Variants in PSMD12 observed in about 807,000 individuals in gnomAD.
The protein encoded by PSMD12 is proteasome 26S subunit, non-ATPase 12.
A neutral mutation model predicts 62.9 loss-of-function variants in PSMD12; 8 were observed. The ratio of observed to expected loss-of-function variants is 0.13; its 90% CI spans 0.07 to 0.23. The LOEUF (loss-of-function observed/expected upper bound fraction) is 0.23, where lower values mean the gene tolerates loss of function less well. Among genes scored for constraint, PSMD12 ranks in the 10% least tolerant of loss-of-function variants. The pLI is 1.00. For synonymous variants in PSMD12, 173 were observed against 187.4 expected, an observed-to-expected ratio of 0.92 and a Z score of 0.63; for missense variants, 424 against 550.2, an observed-to-expected ratio of 0.77 and a Z score of 2.29.
rs200289581 is a variant in PSMD12 at position 67,339,291 on chromosome 17, A to C, written c.*1552T>G. 6.7e-6 allele frequency: 1 copy of C among 148,838 alleles called. No homozygotes were observed. Among genetic ancestry groups the C allele is most frequent in the Non-Finnish European group, 1.5e-5 (1 of 66,924 alleles). 9.2% of individuals were successfully genotyped at this position (148,838 alleles called of 1,614,324 possible). ...CCCGGCAAATTTTTGTATTTTTTTT[A>C]GTAGAGACAGGGTTTTGCCATGTTG... On this transcript the variant is annotated 3_prime_UTR_variant, in exon 11 of 11. Coordinates refer to ENST00000356126, the MANE Select transcript of PSMD12 (RefSeq NM_002816.5).
At chr17:67,344,382 T>G (rs950729436) in intron 9 of PSMD12, among the ~76,000 whole-genome samples, 1 of 152,016 alleles carries the variant, frequency 6.6e-6, no homozygotes, top group African/African-American at 2.4e-5. Context: ...CTTTGGGAAA[T>G]GCAGAGTAAA....
In PSMD12 at chr17:67,347,492, C is replaced by G; in HGVS notation, c.511-7G>C. On this transcript the variant is annotated splice_polypyrimidine_tract_variant and splice_region_variant and intron_variant, in intron 5 of 10. Transcript: ENST00000356126. Reference sequence around the variant, plus strand: ...TTGACCCGTAGGTTTCCACCTAGCACAGTAATTCCCCAAATAAGTTTATAA... The same window carrying G: ...TTGACCCGTAGGTTTCCACCTAGCAGAGTAATTCCCCAAATAAGTTTATAA... 1 of 1,600,526 alleles carries G rather than the reference C, an allele frequency of 6.2e-7. No homozygotes were observed. Among genetic ancestry groups the G allele is most frequent in the Non-Finnish European group, 8.5e-7 (1 of 1,176,542 alleles).
At chr17:67,361,880 A>T (rs1351809211) in intron 1 of PSMD12, among the ~76,000 whole-genome samples, 377 of 25,120 alleles carry the variant, frequency 0.015, 2 homozygotes, top group Non-Finnish European at 0.039. Context: ...ATCTAAAAAA[A>T]AAAAAAAAAA....
intron 10 of PSMD12, among the ~76,000 whole-genome samples, chr17:67,341,643 T>A (rs930547388): frequency 6.6e-6 from 1 of 152,164 alleles, no homozygotes; most frequent in Non-Finnish European, 1.5e-5. Context: ...CAACGGCAAG[T>A]TGGTCTACTC....
At chr17:67,364,711 T>C (rs567781388) in intron 1 of PSMD12, among the ~76,000 whole-genome samples, 9 of 152,356 alleles carry the variant, frequency 5.9e-5, no homozygotes, top group Admixed American at 5.9e-4. Flanking sequence ...CAAATAGTAT[T>C]TTAATATGAC....
rs778872063 is a variant in PSMD12 at position 67,357,686 on chromosome 17, T to C, written c.109-108A>G. On this transcript the variant is annotated intron_variant, in intron 1 of 10. Transcript: ENST00000356126. ...AAAAGGAAAAATCAACAGCCTCTTC[T>C]AGAGGAAAAGGACTACCCATAACTA... 262 of 1,120,824 alleles carry C rather than the reference T, an allele frequency of 2.3e-4. 1 individual carries two copies. The highest frequency in any genetic ancestry group is 3.1e-4 in the Non-Finnish European group (236 of 756,736). 69.4% of individuals were successfully genotyped at this position (1,120,824 alleles called of 1,614,324 possible). A position where few individuals can be genotyped will look rare whatever the true frequency, so the allele number is the denominator to read the frequency against.
chr17:67,342,939 CA>C (rs11366514), intron 9 of PSMD12, among the ~76,000 whole-genome samples: 8,507 of 102,524 alleles, frequency 0.083, 556 homozygotes, highest in African/African-American at 0.22. Flanking sequence ...GACTCTCTTT[CA>C]AAAAAAAAAA....
intron 1 of PSMD12, among the ~76,000 whole-genome samples, chr17:67,358,067 G>C (rs2042093242): frequency 6.6e-6 from 1 of 152,060 alleles, no homozygotes; most frequent in Non-Finnish European, 1.5e-5. Flanking sequence ...GACTACAGGA[G>C]TGCCCCACCA....
chr17:67,365,831 T>C (rs758415162), intron 1 of PSMD12, among the ~76,000 whole-genome samples: 3 of 152,118 alleles, frequency 2.0e-5, no homozygotes, highest in Admixed American at 6.5e-5. Flanking sequence ...TAAGAATGCA[T>C]AGCTTCCTTC....
In PSMD12 at chr17:67,340,205, T is replaced by A. The variant is rs1394330091; in HGVS notation, c.*638A>T. ...TTGAACAACTGATCAAGTGAGAGGA[T>A]GAGGGCTGAAAGCAATCAAGCTACT... On this transcript the variant is annotated 3_prime_UTR_variant, in exon 11 of 11. Transcript: ENST00000356126. 6.9e-6 allele frequency: 1 copy of A among 145,132 alleles called. No individual in the cohort carries two copies. Among genetic ancestry groups the A allele is most frequent in the African/African-American group, 2.6e-5 (1 of 38,704 alleles). 9.0% of individuals were successfully genotyped at this position (145,132 alleles called of 1,614,324 possible).
At position 67,339,725 on chromosome 17, in the gene PSMD12, CCTT is replaced by C. The variant is rs1218490297; in HGVS notation, c.*1115_*1117del. 9 of 151,852 alleles carry C rather than the reference CCTT, an allele frequency of 5.9e-5. No individual in the cohort carries two copies. Among genetic ancestry groups the C allele is most frequent in the Admixed American group, 5.3e-4 (8 of 15,224 alleles). The allele number at this position is 151,852 out of a possible 1,614,324, so 9.4% of individuals were successfully genotyped here. A position where few individuals can be genotyped will look rare whatever the true frequency, so the allele number is the denominator to read the frequency against. On this transcript the variant is annotated 3_prime_UTR_variant, in exon 11 of 11. Coordinates refer to ENST00000356126, the MANE Select transcript of PSMD12 (RefSeq NM_002816.5). ...TTTATTTAAGTATCATTTTAAATAA[CCTT>C]CTAACATTGTTTTTTCTATTTTCTC...
intron 3 of PSMD12, among the ~76,000 whole-genome samples, 194 bp from the exon 4 acceptor site, chr17:67,350,530 A>ATACT (rs1286120286): frequency 2.0e-5 from 3 of 152,246 alleles, no homozygotes; most frequent in Non-Finnish European, 2.9e-5. Flanking sequence ...AAGTCAGTAA[A>ATACT]GGTCAGGAAA....
chr17:67,362,614 A>G (rs1456764871), intron 1 of PSMD12, among the ~76,000 whole-genome samples: 1 of 150,680 alleles, frequency 6.6e-6, no homozygotes, highest in African/African-American at 2.4e-5. Flanking sequence ...GTGAGCCGAG[A>G]TCGCGCCACT....
chr17:67,356,785 G>A (rs1051013538), intron 3 of PSMD12, among the ~76,000 whole-genome samples: 2 of 151,882 alleles, frequency 1.3e-5, no homozygotes, highest in Admixed American at 6.6e-5. Context: ...CCAAGGCAGA[G>A]GGATCACTTG....
intron 1 of PSMD12, 52 bp downstream of exon 1, chr17:67,366,360 C>T: frequency 1.3e-6 from 2 of 1,532,036 alleles, no homozygotes; most frequent in Non-Finnish European, 8.9e-7. Context: ...GCAGGCTCCG[C>T]GCCGTGACTC....
At chr17:67,353,353 C>G (rs1296735042) in intron 3 of PSMD12, among the ~76,000 whole-genome samples, 1 of 143,090 alleles carries the variant, frequency 7.0e-6, no homozygotes, top group African/African-American at 2.5e-5. Context: ...CTCACTCTGT[C>G]GCCCAGGCTA....
intron 1 of PSMD12, 125 bp downstream of exon 1, chr17:67,366,287 C>A: frequency 1.1e-6 from 1 of 932,010 alleles, no homozygotes; most frequent in Non-Finnish European, 1.6e-6. Context: ...CGTGCAGGCC[C>A]AACTAGGGCT....
chr17:67,340,424 ATTTGT>A lies in PSMD12; in HGVS notation c.*414_*418del, dbSNP rs2143676196. The A allele has an allele frequency of 6.4e-6, 1 of 155,776 alleles. No homozygotes were observed. The highest frequency in any genetic ancestry group is 2.4e-5 in the African/African-American group (1 of 41,620). 9.6% of individuals were successfully genotyped at this position (155,776 alleles called of 1,614,324 possible). ...AAATGACTGATAGCTTTACAATGAGATTTGTTTTATTTAAAAAACACTTGCCAAAT... is the reference window on the plus strand; with the variant it reads ...AAATGACTGATAGCTTTACAATGAGATTTATTTAAAAAACACTTGCCAAAT... On this transcript the variant is annotated 3_prime_UTR_variant, in exon 11 of 11. Coordinates refer to ENST00000356126, the MANE Select transcript of PSMD12 (RefSeq NM_002816.5).
intron 1 of PSMD12, among the ~76,000 whole-genome samples, chr17:67,365,910 C>T (rs2042174411): frequency 6.6e-6 from 1 of 152,126 alleles, no homozygotes; most frequent in South Asian, 2.1e-4. Flanking sequence ...TAATTCATCA[C>T]GTACATCAAC....
Sources: gnomAD v4.1 joint callset for allele counts (sites outside exome capture counted in the v4.1 genomes callset) on GRCh38, gnomAD v4.1.1 for gene constraint, MANE v1.5 for transcripts, NCBI Gene and HGNC (gene_info 2026-07-23, HGNC 2026-07-21) for gene names.